Variants in CCSER1 observed in about 807,000 individuals in gnomAD.
CCSER1 encodes coiled-coil serine rich protein 1.
In CCSER1, 41 loss-of-function variants were observed where a neutral mutation model predicts 82.0. That is an observed-to-expected ratio of 0.50 (90% CI 0.39 to 0.65). The LOEUF is 0.65. CCSER1 is among the 30% of genes least tolerant of loss of function. The pLI, the probability that CCSER1 is intolerant of heterozygous loss-of-function variation, is 0.00. For missense variants in CCSER1, 1,119 were observed against 1,064.2 expected, an observed-to-expected ratio of 1.05 and a Z score of -0.72; for synonymous variants, 414 against 383.9, an observed-to-expected ratio of 1.08 and a Z score of -0.92.
At chr4:90,553,233 G>T (rs774073534) in intron 5 of CCSER1, among the ~76,000 whole-genome samples, 11 of 152,280 alleles carry the variant, frequency 7.2e-5, no homozygotes, top group Middle Eastern at 3.4e-3. Flanking sequence ...CCCACAAAGT[G>T]CTGGGATTAC....
intron 4 of CCSER1, among the ~76,000 whole-genome samples, chr4:90,419,212 T>TAG (rs1756301310): frequency 6.6e-6 from 1 of 152,010 alleles, no homozygotes; most frequent in Middle Eastern, 3.2e-3. Context: ...GTTGTCACTT[T>TAG]GTGTGTTTCA....
intron 10 of CCSER1, among the ~76,000 whole-genome samples, chr4:91,376,066 A>G (rs1750388584): frequency 6.6e-6 from 1 of 152,186 alleles, no homozygotes; most frequent in Non-Finnish European, 1.5e-5. Flanking sequence ...AAAACATAAA[A>G]CTTTAGATCA....
intron 1 of CCSER1, among the ~76,000 whole-genome samples, chr4:90,241,065 G>A (rs1461112262): frequency 6.6e-6 from 1 of 152,188 alleles, no homozygotes; most frequent in Non-Finnish European, 1.5e-5. Flanking sequence ...CCCAGAGTGT[G>A]CACTAGTAAT....
chr4:90,566,603 CT>C (rs71596531), intron 5 of CCSER1, among the ~76,000 whole-genome samples: 11,439 of 136,682 alleles, frequency 0.084, 1,357 homozygotes, highest in African/African-American at 0.27. Context: ...TCACAATTAC[CT>C]TTTTTTTTTT....
chr4:91,321,285 G>A (rs1746177188), intron 10 of CCSER1, among the ~76,000 whole-genome samples: 2 of 152,064 alleles, frequency 1.3e-5, no homozygotes, highest in Admixed American at 6.6e-5. Context: ...TTACACCACT[G>A]TTAATGCTAA....
chr4:91,278,491 G>C (rs1475475494), intron 10 of CCSER1, among the ~76,000 whole-genome samples: 1 of 152,008 alleles, frequency 6.6e-6, no homozygotes, highest in Non-Finnish European at 1.5e-5. Context: ...AGCTACTCCT[G>C]ATCATTTTGG....
intron 7 of CCSER1, among the ~76,000 whole-genome samples, chr4:90,735,664 TC>T (rs764166779): frequency 9.2e-5 from 14 of 152,118 alleles, no homozygotes; most frequent in Non-Finnish European, 1.9e-4. Flanking sequence ...GTCTCCTTTT[TC>T]ATCTCTGATT....
chr4:90,552,435 AG>A (rs1777633061), intron 5 of CCSER1, among the ~76,000 whole-genome samples: 1 of 152,186 alleles, frequency 6.6e-6, no homozygotes, highest in Non-Finnish European at 1.5e-5. Flanking sequence ...ATTTTCAACA[AG>A]AACTATGCTT....
chr4:91,106,367 A>T (rs1725615216), intron 10 of CCSER1, among the ~76,000 whole-genome samples: 1 of 152,232 alleles, frequency 6.6e-6, no homozygotes, highest in East Asian at 1.9e-4. Context: ...ATATGTCTCC[A>T]GTGTAAAACT....
intron 1 of CCSER1, among the ~76,000 whole-genome samples, chr4:90,178,785 C>T (rs114874781): frequency 1.3e-5 from 2 of 151,952 alleles, no homozygotes; most frequent in Non-Finnish European, 2.9e-5. Context: ...GCTCCTAAGG[C>T]GAGAAGTTTG....
intron 1 of CCSER1, among the ~76,000 whole-genome samples, chr4:90,217,266 G>A (rs1294066834): frequency 6.6e-6 from 1 of 152,012 alleles, no homozygotes; most frequent in Non-Finnish European, 1.5e-5. Context: ...GTGCGATCTC[G>A]GCTCACTGCA....
chr4:91,314,456 G>C (rs1745692831), intron 10 of CCSER1, among the ~76,000 whole-genome samples: 1 of 151,890 alleles, frequency 6.6e-6, no homozygotes, highest in Non-Finnish European at 1.5e-5. Context: ...TTACTCAGTT[G>C]ATTAGAAAAC....
intron 4 of CCSER1, among the ~76,000 whole-genome samples, chr4:90,414,525 A>G (rs912255620): frequency 6.6e-6 from 1 of 152,146 alleles, no homozygotes; most frequent in African/African-American, 2.4e-5. Context: ...GTTAGAAAAT[A>G]TGAGATGCTA....
rs147502194 is a variant in CCSER1, at chr4:90,712,223, A to G, written c.1933-11691A>G. Among the ~76,000 whole-genome samples, 19 of 151,834 alleles carry G rather than the reference A, an allele frequency of 1.3e-4. No individual in the cohort carries two copies. In the East Asian group the frequency reaches 2.9e-3, roughly 23 times the overall value. The stretch of plus-strand genomic sequence containing the variant: ...TTGCTCTTGGTTCTCTAGTTCTTTT[A>G]CTTGTGATATTAGGTTTTTAACTTG... On this transcript the variant is annotated intron_variant, in intron 6 of 10. Transcript: ENST00000509176.
chr4:91,445,746 A>AT (rs2149412694), intron 10 of CCSER1, among the ~76,000 whole-genome samples: 1 of 152,132 alleles, frequency 6.6e-6, no homozygotes, highest in South Asian at 2.1e-4. Flanking sequence ...TTACCCCCAA[A>AT]TTTGCAAAGG....
intron 4 of CCSER1, among the ~76,000 whole-genome samples, chr4:90,462,128 T>A (rs1763004343): frequency 6.6e-6 from 1 of 152,116 alleles, no homozygotes; most frequent in Non-Finnish European, 1.5e-5. Context: ...AAAGAAATAT[T>A]TACTGGTTCA....
In CCSER1 at chr4:90,506,192, A is replaced by T. The variant is rs954484229; in HGVS notation, c.1724+37838A>T. Among the ~76,000 whole-genome samples the T allele has an allele frequency of 2.6e-5, 4 of 152,270 alleles. No individual in the cohort carries two copies. In the South Asian group the frequency reaches 8.3e-4, roughly 32 times the overall value. ...GTAGGTTATCTGTATATTGAAGGAA[A>T]TTTTTCCCAAAGGGATAACATTAAG... On this transcript the variant is annotated intron_variant, in intron 5 of 10. Coordinates refer to ENST00000509176, the MANE Select transcript of CCSER1 (RefSeq NM_001145065.2).
chr4:90,605,991 A>G (rs1784656102), intron 5 of CCSER1, among the ~76,000 whole-genome samples: 1 of 152,190 alleles, frequency 6.6e-6, no homozygotes, highest in Non-Finnish European at 1.5e-5. Context: ...AGTCTTAAAA[A>G]GAGGTACTAT....
chr4:90,748,268 T>A lies in CCSER1; in HGVS notation c.2010+24277T>A, dbSNP rs1237283646. 3.9e-4 allele frequency among the ~76,000 whole-genome samples: 57 copies of A among 145,606 alleles called. No homozygotes were observed. The Admixed American group carries it at 4.0e-3, about 10-fold the overall frequency. ...GATCTCATTGTTCAATTCCCACCTATGAGTGAGAATATGCGGTGTTGGGTT... is the reference window on the plus strand; with the variant it reads ...GATCTCATTGTTCAATTCCCACCTAAGAGTGAGAATATGCGGTGTTGGGTT... On this transcript the variant is annotated intron_variant, in intron 7 of 10. Transcript: ENST00000509176.
Sources: allele counts gnomAD v4.1 joint callset (sites outside exome capture counted in the v4.1 genomes callset), GRCh38; gene constraint gnomAD v4.1.1; transcripts MANE v1.5; gene names NCBI Gene and HGNC (gene_info 2026-07-23, HGNC 2026-07-21).